Variants in UBE2D1 observed in about 807,000 individuals in gnomAD.
The protein encoded by UBE2D1 is ubiquitin-conjugating enzyme E2 D1.
In UBE2D1, 9 loss-of-function variants were observed where a neutral mutation model predicts 24.6. The observed-to-expected ratio is 0.37, with a 90% CI of 0.22 to 0.64. UBE2D1 has a LOEUF of 0.64. Among genes scored for constraint, UBE2D1 ranks in the 30% least tolerant of loss-of-function variants. UBE2D1 has a pLI of 0.64. For synonymous variants in UBE2D1, 57 were observed against 57.6 expected (o/e 0.99, Z 0.04); for missense variants, 87 against 177.1 (o/e 0.49, Z 2.89).
intron 3 of UBE2D1, among the ~76,000 whole-genome samples, chr10:58,363,138 G>A (rs1840218619): frequency 6.6e-6 from 1 of 151,930 alleles, no homozygotes; most frequent in Non-Finnish European, 1.5e-5. Flanking sequence ...TTCTTTTCAC[G>A]ACAGCCTCTT....
intron 1 of UBE2D1, among the ~76,000 whole-genome samples, chr10:58,351,783 A>G (rs1840079800): frequency 1.3e-5 from 2 of 152,348 alleles, no homozygotes; most frequent in East Asian, 3.9e-4. Context: ...CTATACTTTT[A>G]TAGGACTGGT....
At chr10:58,357,643 T>C (rs1003297832) in intron 1 of UBE2D1, among the ~76,000 whole-genome samples, 3 of 152,188 alleles carry the variant, frequency 2.0e-5, no homozygotes, top group African/African-American at 7.2e-5. Context: ...TTTTGTTTTC[T>C]GTAGGTCATT....
intron 1 of UBE2D1, among the ~76,000 whole-genome samples, chr10:58,350,066 T>C (rs1840056528): frequency 6.6e-6 from 1 of 152,240 alleles, no homozygotes; most frequent in African/African-American, 2.4e-5. Flanking sequence ...TTCGTTCTAC[T>C]GTTGGTGGAC....
At chr10:58,349,766 G>C (rs1471392355) in intron 1 of UBE2D1, among the ~76,000 whole-genome samples, 1 of 152,092 alleles carries the variant, frequency 6.6e-6, no homozygotes, top group Non-Finnish European at 1.5e-5. Flanking sequence ...TCAAGAAATA[G>C]TATTACAAGG....
intron 1 of UBE2D1, among the ~76,000 whole-genome samples, chr10:58,337,968 T>G (rs902076667): frequency 2.0e-5 from 3 of 152,076 alleles, no homozygotes; most frequent in African/African-American, 7.2e-5. Flanking sequence ...TGCCTCAGCC[T>G]CCTGAGTAGC....
At chr10:58,362,889 G>C (rs1840215632) in intron 3 of UBE2D1, among the ~76,000 whole-genome samples, 1 of 151,808 alleles carries the variant, frequency 6.6e-6, no homozygotes, top group Admixed American at 6.6e-5. Flanking sequence ...TAGAATTGTA[G>C]GTATAGTTTG....
chr10:58,351,435 A>T (rs1369094988), intron 1 of UBE2D1, among the ~76,000 whole-genome samples: 1 of 151,712 alleles, frequency 6.6e-6, no homozygotes, highest in African/African-American at 2.4e-5. Context: ...CTTTTTTGTT[A>T]AAAACTAAGA....
At chr10:58,341,249 G>A (rs1017372583) in intron 1 of UBE2D1, among the ~76,000 whole-genome samples, 10 of 152,266 alleles carry the variant, frequency 6.6e-5, no homozygotes, top group African/African-American at 2.2e-4. Flanking sequence ...TTTAGTTCCT[G>A]TAGTGGTTTT....
At chr10:58,355,855 GT>G (rs533502046) in intron 1 of UBE2D1, among the ~76,000 whole-genome samples, 4 of 151,926 alleles carry the variant, frequency 2.6e-5, no homozygotes, top group African/African-American at 9.7e-5. Context: ...AATCTCACCA[GT>G]TTTTTTTCAC....
At position 58,369,746 on chromosome 10, in the gene UBE2D1, A is replaced by C. The variant is rs977226415; in HGVS notation, c.*981A>C. 3.9e-5 allele frequency: 6 copies of C among 152,100 alleles called. No homozygotes were observed. The highest frequency in any genetic ancestry group is 1.4e-4 in the African/African-American group (6 of 41,444). 9.4% of individuals were successfully genotyped at this position (152,100 alleles called of 1,614,324 possible). On this transcript the variant is annotated 3_prime_UTR_variant, in exon 7 of 7. Transcript: ENST00000373910. ...TATATAAATTTTATTGTTTTAGGTTAGTATCTCTTTACTAAATTGTCAGTC... is the reference window on the plus strand; with the variant it reads ...TATATAAATTTTATTGTTTTAGGTTCGTATCTCTTTACTAAATTGTCAGTC...
chr10:58,338,139 A>C (rs1839923072), intron 1 of UBE2D1, among the ~76,000 whole-genome samples: 1 of 151,990 alleles, frequency 6.6e-6, no homozygotes. Context: ...GAGCCACCAC[A>C]CCCGGCCAAT....
intron 1 of UBE2D1, among the ~76,000 whole-genome samples, chr10:58,348,970 A>G (rs1840044501): frequency 6.6e-6 from 1 of 152,216 alleles, no homozygotes; most frequent in African/African-American, 2.4e-5. Context: ...GAGAACACTC[A>G]GCATATTGTG....
intron 4 of UBE2D1, among the ~76,000 whole-genome samples, chr10:58,363,905 A>G (rs183333765): frequency 1.3e-5 from 2 of 152,134 alleles, no homozygotes; most frequent in Non-Finnish European, 2.9e-5. Flanking sequence ...GTCATGCTAT[A>G]AATTAAATTC....
chr10:58,369,627 A>G lies in UBE2D1; in HGVS notation c.*862A>G, dbSNP rs80063617. On this transcript the variant is annotated 3_prime_UTR_variant, in exon 7 of 7. Coordinates refer to ENST00000373910, the MANE Select transcript of UBE2D1 (RefSeq NM_003338.5). The stretch of plus-strand genomic sequence containing the variant: ...CTTGATTACTTAAAAAAATAAAAAT[A>G]TAAGTAAGGATCAAAACTCTAAAAT... 0.039 allele frequency: 5,975 copies of G among 152,544 alleles called. 174 individuals carry two copies. The highest frequency in any genetic ancestry group is 0.12 in the Middle Eastern group (35 of 294). 9.4% of individuals were successfully genotyped at this position (152,544 alleles called of 1,614,324 possible). A position where few individuals can be genotyped will look rare whatever the true frequency, so the allele number is the denominator to read the frequency against.
intron 1 of UBE2D1, among the ~76,000 whole-genome samples, chr10:58,339,752 A>G (rs1022151324): frequency 1.4e-5 from 2 of 147,694 alleles, no homozygotes; most frequent in African/African-American, 5.2e-5. Flanking sequence ...CTTCAATTCC[A>G]CATTCCTTTT....
chr10:58,363,351 T>C (rs1840221212), intron 3 of UBE2D1, among the ~76,000 whole-genome samples: 1 of 152,190 alleles, frequency 6.6e-6, no homozygotes, highest in African/African-American at 2.4e-5. Flanking sequence ...GTCCTGTTTT[T>C]GTTTTGTTTT....
chr10:58,341,887 C>T (rs546893520), intron 1 of UBE2D1, among the ~76,000 whole-genome samples: 1 of 152,230 alleles, frequency 6.6e-6, no homozygotes, highest in African/African-American at 2.4e-5. Context: ...AGATACTTAT[C>T]CTCTCTCCTC....
intron 1 of UBE2D1, among the ~76,000 whole-genome samples, chr10:58,341,311 C>T (rs1839958933): frequency 6.6e-6 from 1 of 152,164 alleles, no homozygotes. Flanking sequence ...CCAGTTCTTT[C>T]TAGAAAGAAT....
chr10:58,336,666 T>G (rs372051355), intron 1 of UBE2D1, among the ~76,000 whole-genome samples: 1 of 152,238 alleles, frequency 6.6e-6, no homozygotes, highest in Non-Finnish European at 1.5e-5. Flanking sequence ...TTTTGAAGCC[T>G]TAGCATCTTT....
Sources: allele counts gnomAD v4.1 joint callset (sites outside exome capture counted in the v4.1 genomes callset), GRCh38; gene constraint gnomAD v4.1.1; transcripts MANE v1.5; gene names NCBI Gene and HGNC (gene_info 2026-07-23, HGNC 2026-07-21).